PCSK5: variants seen among roughly 807,000 people sequenced by gnomAD.
PCSK5 encodes proprotein convertase subtilisin/kexin type 5.
PCSK5 carries 129 observed loss-of-function variants against 233.2 expected under a neutral mutation model. That is an observed-to-expected ratio of 0.55 (90% CI 0.48 to 0.64). The LOEUF (loss-of-function observed/expected upper bound fraction) is 0.64, where lower values mean the gene tolerates loss of function less well. Among genes scored for constraint, PCSK5 ranks in the 30% least tolerant of loss-of-function variants. The probability of loss-of-function intolerance (pLI) is 0.00; values close to 1 mark genes in which losing one functional copy is unlikely to be tolerated. For missense variants in PCSK5, 2,076 were observed against 2,430.1 expected (o/e 0.85, Z 3.06); for synonymous variants, 825 against 879.2 (o/e 0.94, Z 1.09).
intron 24 of PCSK5, among the ~76,000 whole-genome samples, chr9:76,270,506 G>A (rs1248621383): frequency 6.6e-6 from 1 of 152,158 alleles, no homozygotes; most frequent in Non-Finnish European, 1.5e-5. Context: ...TTCAGCCTTG[G>A]CACAGTATCC....
rs1829732481 is a variant in PCSK5 at position 76,338,246 on chromosome 9, T to A, written c.4765T>A (p.Ser1589Thr). 2.5e-6 allele frequency: 4 copies of A among 1,611,946 alleles called. No individual in the cohort carries two copies. Among genetic ancestry groups the A allele is most frequent in the Non-Finnish European group, 3.4e-6 (4 of 1,179,370 alleles). The stretch of plus-strand genomic sequence containing the variant: ...TGGTTTCAGATATTACGCAGACAAC[T>A]CCACTGGCCGGTGTGAGAGGTGCAA... ...QCREGYYADN[S>T]TGRCERCNRS... The change falls in exon 35 of 38, where the codon TCC becomes ACC. Residue 1589 changes from serine to threonine, a missense_variant. Ser to Thr is a moderately conservative substitution (Grantham distance 58, BLOSUM62 1). This residue lies in a region of PCSK5 where 1,510 missense variants were observed against 1,538.1 expected (regional missense o/e 0.98). Transcript: ENST00000674117.
intron 2 of PCSK5, among the ~76,000 whole-genome samples, chr9:75,954,559 A>G (rs1031778685): frequency 1.3e-5 from 2 of 152,212 alleles, no homozygotes; most frequent in African/African-American, 2.4e-5. Flanking sequence ...ATTTACTCAT[A>G]ATTGTAGTTG....
intron 36 of PCSK5, among the ~76,000 whole-genome samples, chr9:76,351,552 A>AAG (rs925432052): frequency 7.1e-6 from 1 of 140,432 alleles, no homozygotes; most frequent in Non-Finnish European, 1.6e-5. Context: ...AAAGAGAAAG[A>AAG]AGAGAGAGAG....
intron 3 of PCSK5, among the ~76,000 whole-genome samples, chr9:76,006,304 C>T (rs1213737729): frequency 1.3e-5 from 2 of 151,892 alleles, no homozygotes; most frequent in East Asian, 3.8e-4. Flanking sequence ...TCTCATCTGT[C>T]ATATTATTTT....
intron 5 of PCSK5, among the ~76,000 whole-genome samples, chr9:76,028,336 C>T (rs1828514070): frequency 1.3e-5 from 2 of 152,210 alleles, no homozygotes; most frequent in African/African-American, 4.8e-5. Context: ...GTAATTCACA[C>T]AGATCTGCCT....
chr9:76,327,485 A>G (rs766571915), intron 32 of PCSK5, among the ~76,000 whole-genome samples: 10 of 152,308 alleles, frequency 6.6e-5, no homozygotes, highest in Non-Finnish European at 1.5e-4. Flanking sequence ...ACAAATACTT[A>G]TCGATTCCTA....
At chr9:76,151,342 G>T (rs906303647) in intron 10 of PCSK5, among the ~76,000 whole-genome samples, 2 of 152,136 alleles carry the variant, frequency 1.3e-5, no homozygotes, top group Non-Finnish European at 2.9e-5. Context: ...CTTTTATTCT[G>T]GTGGTTTACT....
At chr9:76,351,533 G>GAAAGAAAGAGAAAGAAAGAAAGA (rs1354864321) in intron 36 of PCSK5, among the ~76,000 whole-genome samples, 2 of 15,824 alleles carry the variant, frequency 1.3e-4, no homozygotes, top group Non-Finnish European at 5.4e-4. Context: ...AGAAAGAAAG[G>GAAAGAAAGAGAAAGAAAGAAAGA]AAGGAAAGAA....
chr9:75,927,025 C>T lies in PCSK5; in HGVS notation c.193-5354C>T, dbSNP rs149467031. Among the ~76,000 whole-genome samples the T allele has an allele frequency of 3.9e-5, 6 of 152,284 alleles. No homozygotes were observed. In the East Asian group the frequency reaches 1.2e-3, roughly 29 times the overall value. On this transcript the variant is annotated intron_variant, in intron 1 of 37. Coordinates refer to ENST00000674117, the MANE Select transcript of PCSK5 (RefSeq NM_001372043.1). ...TAGATCGTGAGGAGAGTGTATGTTT[C>T]ATAAATGGCCAAATGGTTTTCCAAA...
chr9:76,273,058 G>A (rs1827575079), intron 24 of PCSK5, among the ~76,000 whole-genome samples: 1 of 151,976 alleles, frequency 6.6e-6, no homozygotes, highest in African/African-American at 2.4e-5. Context: ...CCCTCAAGGG[G>A]AACTGAATAA....
chr9:76,089,346 T>G (rs1456459483), intron 7 of PCSK5, among the ~76,000 whole-genome samples: 2 of 152,108 alleles, frequency 1.3e-5, no homozygotes, highest in Non-Finnish European at 2.9e-5. Flanking sequence ...CATTCCAAAG[T>G]TGTTTTGTTG....
intron 7 of PCSK5, among the ~76,000 whole-genome samples, chr9:76,084,949 G>A (rs1211514500): frequency 6.6e-6 from 1 of 152,134 alleles, no homozygotes; most frequent in African/African-American, 2.4e-5. Context: ...CTAATATTTA[G>A]CTGTGAACAT....
At chr9:76,056,718 T>C (rs1456273534) in intron 5 of PCSK5, among the ~76,000 whole-genome samples, 1 of 152,238 alleles carries the variant, frequency 6.6e-6, no homozygotes, top group Non-Finnish European at 1.5e-5. Context: ...AAAAATTATG[T>C]AACAAATTGT....
At chr9:76,158,063 A>G (rs189811952) in intron 11 of PCSK5, among the ~76,000 whole-genome samples, 2,205 of 150,478 alleles carry the variant, frequency 0.015, 49 homozygotes, top group African/African-American at 0.049. Flanking sequence ...CTGAATATCA[A>G]GCACTGAGCA....
At chr9:75,939,161 G>A (rs1410195969) in intron 2 of PCSK5, among the ~76,000 whole-genome samples, 1 of 152,154 alleles carries the variant, frequency 6.6e-6, no homozygotes, top group Non-Finnish European at 1.5e-5. Context: ...GGGCACATGA[G>A]CCCAGAGAAC....
At chr9:75,993,577 T>A (rs1204664986) in intron 3 of PCSK5, among the ~76,000 whole-genome samples, 1 of 152,188 alleles carries the variant, frequency 6.6e-6, no homozygotes, top group South Asian at 2.1e-4. Context: ...AAAGTCAATA[T>A]GTACCTTGTT....
intron 9 of PCSK5, among the ~76,000 whole-genome samples, chr9:76,119,087 T>C (rs1374912512): frequency 6.6e-6 from 1 of 152,078 alleles, no homozygotes; most frequent in African/African-American, 2.4e-5. Context: ...CATTCAGTTG[T>C]TGGAAATTAG....
intron 10 of PCSK5, among the ~76,000 whole-genome samples, chr9:76,139,563 C>T (rs1474943496): frequency 6.6e-6 from 1 of 151,990 alleles, no homozygotes; most frequent in Non-Finnish European, 1.5e-5. Context: ...TGAGGCCCTT[C>T]CTACTTGAAA....
At position 76,332,526 on chromosome 9, in the gene PCSK5, A is replaced by G; in HGVS notation, c.4664A>G (p.Glu1555Gly). 1.2e-6 allele frequency: 2 copies of G among 1,612,760 alleles called. No individual in the cohort carries two copies. Among genetic ancestry groups the G allele is most frequent in the Non-Finnish European group, 8.5e-7 (1 of 1,179,808 alleles). Reference sequence around the variant, plus strand: ...TGCCACAGCTCTTGCAGGACATGTGAAGGGAGACACAGCAGGCAGTGCCAC... The same window carrying G: ...TGCCACAGCTCTTGCAGGACATGTGGAGGGAGACACAGCAGGCAGTGCCAC... Reference protein sequence around the residue: ...AHCHSSCRTCEGRHSRQCHSC... With the variant: ...AHCHSSCRTCGGRHSRQCHSC... The change falls in exon 34 of 38, where the codon GAA (glutamate) becomes GGA (glycine). Residue 1555 changes from glutamate (E) to glycine (G), a missense_variant. Glu to Gly is a moderately conservative substitution (Grantham distance 98). Transcript: ENST00000674117.
Sources: gnomAD v4.1 joint callset for allele counts (sites outside exome capture counted in the v4.1 genomes callset) on GRCh38, gnomAD v4.1.1 for gene constraint, gnomAD v4.1.1 regional missense constraint, MANE v1.5 for transcripts, NCBI Gene and HGNC (gene_info 2026-07-23, HGNC 2026-07-21) for gene names.